Variants in KCNT2 observed in about 807,000 individuals in gnomAD.
The protein encoded by KCNT2 is potassium sodium-activated channel subfamily T member 2, also known as potassium channel subfamily T member 2.
Under a neutral mutation model 153.8 loss-of-function variants are expected in KCNT2, and 67 were observed. The ratio of observed to expected loss-of-function variants is 0.44; its 90% CI spans 0.36 to 0.53. The LOEUF (loss-of-function observed/expected upper bound fraction) is 0.53. Ranked by LOEUF, KCNT2 falls within the 20% of genes least tolerant of loss-of-function variation. The probability of loss-of-function intolerance (pLI) is 0.00; values close to 1 mark genes in which losing one functional copy is unlikely to be tolerated. For missense variants in KCNT2, 975 were observed against 1,354.8 expected, an observed-to-expected ratio of 0.72 and a Z score of 4.40; for synonymous variants, 500 against 458.8, an observed-to-expected ratio of 1.09 and a Z score of -1.15.
At chr1:196,338,276 A>T (rs1572089231) in intron 16 of KCNT2, among the ~76,000 whole-genome samples, 1 of 152,088 alleles carries the variant, frequency 6.6e-6, no homozygotes, top group African/African-American at 2.4e-5. Context: ...AAAATATATT[A>T]GTGAAGATTG....
intron 26 of KCNT2, among the ~76,000 whole-genome samples, chr1:196,248,622 C>G (rs1655662078): frequency 6.6e-6 from 1 of 151,916 alleles, no homozygotes; most frequent in Non-Finnish European, 1.5e-5. Context: ...CTAAACAGAC[C>G]AATAACAAAT....
chr1:196,580,588 T>C (rs1031132636), intron 1 of KCNT2, among the ~76,000 whole-genome samples: 3 of 152,158 alleles, frequency 2.0e-5, no homozygotes, highest in Admixed American at 6.6e-5. Flanking sequence ...AAGAAAATGA[T>C]AATCATAATA....
At chr1:196,412,323 T>C (rs1001468319) in intron 12 of KCNT2, among the ~76,000 whole-genome samples, 2 of 151,712 alleles carry the variant, frequency 1.3e-5, no homozygotes, top group Non-Finnish European at 3.0e-5. Flanking sequence ...AATGGAAATG[T>C]TTTACTGTTT....
intron 23 of KCNT2, among the ~76,000 whole-genome samples, chr1:196,283,738 A>T (rs758938627): frequency 2.6e-4 from 40 of 152,182 alleles, no homozygotes; most frequent in Non-Finnish European, 4.0e-4. Context: ...AAAAAGCCAC[A>T]AAATAGTTAT....
At chr1:196,598,053 AT>A (rs1664293720) in intron 1 of KCNT2, among the ~76,000 whole-genome samples, 1 of 152,194 alleles carries the variant, frequency 6.6e-6, no homozygotes, top group African/African-American at 2.4e-5. Flanking sequence ...ATATTAAAAA[AT>A]AAAACACATA....
chr1:196,552,035 G>A (rs1367702403), intron 1 of KCNT2, among the ~76,000 whole-genome samples: 1 of 151,438 alleles, frequency 6.6e-6, no homozygotes, highest in African/African-American at 2.4e-5. Context: ...TATAAATATA[G>A]TGAACCTCAA....
At chr1:196,264,604 A>C (rs1456428243) in intron 25 of KCNT2, among the ~76,000 whole-genome samples, 1 of 151,910 alleles carries the variant, frequency 6.6e-6, no homozygotes, top group Non-Finnish European at 1.5e-5. Flanking sequence ...CTCCAGCCCC[A>C]ATATATATAT....
At chr1:196,397,978 C>A (rs1671091150) in intron 13 of KCNT2, among the ~76,000 whole-genome samples, 1 of 151,158 alleles carries the variant, frequency 6.6e-6, no homozygotes. Flanking sequence ...AAAGCAAGTA[C>A]AATTTTGCTG....
At chr1:196,433,254 T>C (rs1022438127) in intron 8 of KCNT2, among the ~76,000 whole-genome samples, 1 of 152,072 alleles carries the variant, frequency 6.6e-6, no homozygotes, top group African/African-American at 2.4e-5. Context: ...GGAATTTTGT[T>C]ATAGCAGCAC....
chr1:196,238,771 G>A (rs955195047), intron 26 of KCNT2, among the ~76,000 whole-genome samples: 10 of 151,888 alleles, frequency 6.6e-5, no homozygotes, highest in South Asian at 4.1e-4. Flanking sequence ...CACGGCACAT[G>A]CATACATATG....
At chr1:196,566,653 AAT>A (rs1380474776) in intron 1 of KCNT2, among the ~76,000 whole-genome samples, 3 of 152,118 alleles carry the variant, frequency 2.0e-5, no homozygotes, top group African/African-American at 7.2e-5. Flanking sequence ...ATAGTTTCAC[AAT>A]GAATAAACTG....
At chr1:196,268,837 C>T (rs1657791815) in intron 25 of KCNT2, among the ~76,000 whole-genome samples, 1 of 152,028 alleles carries the variant, frequency 6.6e-6, no homozygotes, top group Admixed American at 6.6e-5. Flanking sequence ...AACAAAAACT[C>T]TTGGGGCATA....
intron 8 of KCNT2, among the ~76,000 whole-genome samples, chr1:196,433,820 A>T (rs946756): frequency 0.99 from 150,639 of 151,916 alleles, 74,696 homozygotes; most frequent in Middle Eastern, 1. Flanking sequence ...ATATATATAT[A>T]TTGGTACAGT....
chr1:196,405,098 G>T (rs765932482), intron 12 of KCNT2, among the ~76,000 whole-genome samples: 2 of 150,770 alleles, frequency 1.3e-5, no homozygotes, highest in Non-Finnish European at 3.0e-5. Context: ...TATCATATGA[G>T]AAATAGAAAA....
chr1:196,344,070 G>A (rs1186628546), intron 14 of KCNT2, among the ~76,000 whole-genome samples: 4 of 152,122 alleles, frequency 2.6e-5, no homozygotes, highest in East Asian at 1.9e-4. Context: ...GTGAGCCACC[G>A]CCCCTGGCCA....
At chr1:196,504,709 A>G (rs1680987222) in intron 1 of KCNT2, among the ~76,000 whole-genome samples, 1 of 152,144 alleles carries the variant, frequency 6.6e-6, no homozygotes, top group African/African-American at 2.4e-5. Context: ...CAACAGTGTA[A>G]AAGTGTTCCT....
chr1:196,280,090 C>T (rs1658953219), intron 25 of KCNT2, among the ~76,000 whole-genome samples: 2 of 151,864 alleles, frequency 1.3e-5, no homozygotes, highest in Admixed American at 1.3e-4. Context: ...GAATACAAAC[C>T]ATAATTTACA....
intron 8 of KCNT2, among the ~76,000 whole-genome samples, chr1:196,459,499 A>T (rs1676967380): frequency 6.6e-6 from 1 of 151,890 alleles, no homozygotes; most frequent in African/African-American, 2.4e-5. Flanking sequence ...TAATGCTCTG[A>T]GTATTTAACC....
chr1:196,592,779 C>G (rs1663539036), intron 1 of KCNT2, among the ~76,000 whole-genome samples: 1 of 147,088 alleles, frequency 6.8e-6, no homozygotes, highest in African/African-American at 2.5e-5. Flanking sequence ...TTTGATAACA[C>G]AAGAGGGAGT....
Sources: gnomAD v4.1 joint callset for allele counts (sites outside exome capture counted in the v4.1 genomes callset) on GRCh38, gnomAD v4.1.1 for gene constraint, MANE v1.5 for transcripts, NCBI Gene and HGNC (gene_info 2026-07-23, HGNC 2026-07-21) for gene names.